The following POU1F1 variants were observed in gnomAD, a reference collection of about 807,000 sequenced individuals.
POU1F1 encodes pituitary-specific positive transcription factor 1.
Under a neutral mutation model 32.3 loss-of-function variants are expected in POU1F1, and 23 were observed. That is an observed-to-expected ratio of 0.71 (90% CI 0.51 to 1.01). The LOEUF (loss-of-function observed/expected upper bound fraction) is 1.01, where lower values mean the gene tolerates loss of function less well. Ranked by LOEUF, POU1F1 falls within the 50% of genes least tolerant of loss-of-function variation. The pLI is 0.00. For missense variants in POU1F1, 323 were observed against 341.6 expected, an observed-to-expected ratio of 0.95 and a Z score of 0.43; for synonymous variants, 120 against 115.6, an observed-to-expected ratio of 1.04 and a Z score of -0.25.
At chr3:87,271,656 C>G (rs1353058839) in intron 2 of POU1F1, among the ~76,000 whole-genome samples, 1 of 152,282 alleles carries the variant, frequency 6.6e-6, no homozygotes, top group Admixed American at 6.5e-5. Flanking sequence ...CCTCCAGTAG[C>G]TAAACGCATT....
intron 2 of POU1F1, among the ~76,000 whole-genome samples, chr3:87,267,118 G>T (rs1286536973): frequency 6.6e-6 from 1 of 151,984 alleles, no homozygotes; most frequent in Non-Finnish European, 1.5e-5. Context: ...ATACTAAAAG[G>T]TCTAAATTTG....
chr3:87,269,432 C>T (rs1293204076), intron 2 of POU1F1, among the ~76,000 whole-genome samples: 1 of 152,110 alleles, frequency 6.6e-6, no homozygotes, highest in Non-Finnish European at 1.5e-5. Context: ...ACCAAAAGAC[C>T]TTTCACGATG....
intron 4 of POU1F1, among the ~76,000 whole-genome samples, 164 bp downstream of exon 4, chr3:87,261,904 TTTG>T (rs1256675660): frequency 1.3e-5 from 2 of 152,194 alleles, no homozygotes; most frequent in Non-Finnish European, 2.9e-5. Context: ...CCCTTCCTTT[TTTG>T]TTGTTTGTTT....
intron 5 of POU1F1, 25 bp downstream of exon 5, chr3:87,261,248 T>G (rs1476772558): frequency 6.8e-7 from 1 of 1,474,920 alleles, no homozygotes; most frequent in African/African-American, 1.4e-5. Flanking sequence ...TTTTGTCCTC[T>G]AGTAACTTTT....
intron 2 of POU1F1, among the ~76,000 whole-genome samples, chr3:87,269,455 A>T (rs907356012): frequency 6.6e-6 from 1 of 152,180 alleles, no homozygotes; most frequent in Non-Finnish European, 1.5e-5. Flanking sequence ...GAAGCAAAAG[A>T]TCTTCAGAAT....
Sources: allele counts gnomAD v4.1 joint callset (sites outside exome capture counted in the v4.1 genomes callset), GRCh38; gene constraint gnomAD v4.1.1; transcripts MANE v1.5; gene names NCBI Gene and HGNC (gene_info 2026-07-23, HGNC 2026-07-21).